TRIM2: variants seen among roughly 807,000 people sequenced by gnomAD.
The protein encoded by TRIM2 is tripartite motif containing 2.
In TRIM2, 20 loss-of-function variants were observed where a neutral mutation model predicts 75.2. That is an observed-to-expected ratio of 0.27 (90% CI 0.19 to 0.39). The LOEUF (loss-of-function observed/expected upper bound fraction) is 0.39, where lower values mean the gene tolerates loss of function less well. TRIM2 is among the 10% of genes least tolerant of loss of function. The pLI is 1.00. For synonymous variants in TRIM2, 373 were observed against 388.3 expected, an observed-to-expected ratio of 0.96 and a Z score of 0.46; for missense variants, 660 against 990.8, an observed-to-expected ratio of 0.67 and a Z score of 4.48.
At chr4:153,331,060 G>C (rs886274573) in intron 11 of TRIM2, among the ~76,000 whole-genome samples, 1 of 152,176 alleles carries the variant, frequency 6.6e-6, no homozygotes, top group Non-Finnish European at 1.5e-5. Context: ...GGTGGCTCAT[G>C]CATGTAACGC....
intron 1 of TRIM2, among the ~76,000 whole-genome samples, chr4:153,181,412 C>T (rs1345463783): frequency 1.3e-5 from 2 of 152,114 alleles, no homozygotes; most frequent in African/African-American, 2.4e-5. Context: ...AAGGCAGCGA[C>T]CATGTGATGG....
chr4:153,324,417 G>A (rs138776950), intron 10 of TRIM2: 10 of 231,684 alleles, frequency 4.3e-5, no homozygotes, highest in Middle Eastern at 1.4e-3. Context: ...AAAGCAATTC[G>A]TTGAACTTAG....
At chr4:153,318,458 T>C (rs1768178169) in intron 8 of TRIM2, among the ~76,000 whole-genome samples, 1 of 152,218 alleles carries the variant, frequency 6.6e-6, no homozygotes, top group Non-Finnish European at 1.5e-5. Flanking sequence ...TTGGTTTCAC[T>C]AGAAATTTAA....
At chr4:153,298,956 C>T (rs1560974492) in intron 6 of TRIM2, among the ~76,000 whole-genome samples, 1 of 151,974 alleles carries the variant, frequency 6.6e-6, no homozygotes, top group Non-Finnish European at 1.5e-5. Context: ...CCAGGCTAGT[C>T]TCAAACTCCT....
intron 8 of TRIM2, among the ~76,000 whole-genome samples, chr4:153,318,796 C>T (rs1768267348): frequency 6.6e-6 from 1 of 152,086 alleles, no homozygotes. Context: ...TTCAGTGGTT[C>T]AATAGTCTAT....
chr4:153,181,212 G>A (rs965869966), intron 1 of TRIM2, among the ~76,000 whole-genome samples: 1 of 152,084 alleles, frequency 6.6e-6, no homozygotes, highest in Non-Finnish European at 1.5e-5. Context: ...ATGAAATTGA[G>A]GCCCATAGCA....
At chr4:153,298,965 C>T (rs1484993991) in intron 6 of TRIM2, among the ~76,000 whole-genome samples, 1 of 152,040 alleles carries the variant, frequency 6.6e-6, no homozygotes, top group Non-Finnish European at 1.5e-5. Flanking sequence ...TCTCAAACTC[C>T]TGGACTCAAA....
chr4:153,170,368 A>C (rs1462379802), intron 1 of TRIM2, among the ~76,000 whole-genome samples: 1 of 152,186 alleles, frequency 6.6e-6, no homozygotes, highest in African/African-American at 2.4e-5. Context: ...GTATCCCTTG[A>C]ACACTAGGAA....
At chr4:153,253,132 C>T (rs1017655676) in intron 1 of TRIM2, among the ~76,000 whole-genome samples, 48 of 152,280 alleles carry the variant, frequency 3.2e-4, no homozygotes, top group African/African-American at 1.1e-3. Context: ...TCAGAGAATC[C>T]TTCCTAAAGT....
intron 1 of TRIM2, among the ~76,000 whole-genome samples, chr4:153,244,185 CCTT>C (rs1295180521): frequency 1.8e-4 from 20 of 108,366 alleles, no homozygotes; most frequent in South Asian, 9.4e-4. Context: ...TTCTTCTCCT[CCTT>C]CTTCTTCTCC....
intron 3 of TRIM2, 76 bp downstream of exon 3, chr4:153,276,206 G>A (rs771686682): frequency 8.1e-7 from 1 of 1,231,010 alleles, no homozygotes; most frequent in Middle Eastern, 1.9e-4. Context: ...GTACATCAGA[G>A]ATTACAGATT....
chr4:153,328,846 G>C (rs903700583), intron 11 of TRIM2, among the ~76,000 whole-genome samples, 176 bp downstream of exon 11: 2 of 152,080 alleles, frequency 1.3e-5, no homozygotes, highest in African/African-American at 2.4e-5. Flanking sequence ...AATGTTACCA[G>C]ACTGAAACCC....
At chr4:153,234,103 T>C (rs1026874936) in intron 1 of TRIM2, among the ~76,000 whole-genome samples, 1 of 152,194 alleles carries the variant, frequency 6.6e-6, no homozygotes, top group African/African-American at 2.4e-5. Flanking sequence ...TCAATCCCCA[T>C]AAATACTCCT....
chr4:153,308,671 G>T, intron 6 of TRIM2: 1 of 577,938 alleles, frequency 1.7e-6, no homozygotes, highest in African/African-American at 1.9e-5. Flanking sequence ...ATCAAATTTG[G>T]TGTAGGCTTT....
intron 1 of TRIM2, among the ~76,000 whole-genome samples, chr4:153,164,834 A>C (rs1253196201): frequency 6.6e-6 from 1 of 152,104 alleles, no homozygotes; most frequent in Non-Finnish European, 1.5e-5. Flanking sequence ...CTGTATTTAT[A>C]TTACTAGGAC....
At chr4:153,205,182 T>C (rs1454959232) in intron 1 of TRIM2, among the ~76,000 whole-genome samples, 1 of 152,186 alleles carries the variant, frequency 6.6e-6, no homozygotes, top group Admixed American at 6.5e-5. Flanking sequence ...GCGTTTGTCC[T>C]TGACTACCCA....
Position 153,336,485 on chromosome 4 carries a change from A to T in TRIM2, c.*1519A>T. 1.0e-6 allele frequency: 1 copy of T among 985,852 alleles called. No homozygotes were observed. The highest frequency in any genetic ancestry group is 1.2e-6 in the Non-Finnish European group (1 of 829,930). 61.1% of individuals were successfully genotyped at this position (985,852 alleles called of 1,614,324 possible). On this transcript the variant is annotated 3_prime_UTR_variant, in exon 12 of 12. Coordinates refer to ENST00000338700, the MANE Select transcript of TRIM2 (RefSeq NM_015271.5). ...TTAAGAACAATTTAGTCAATCGTTC[A>T]TCTGTCATTGGTACTGTAAAATAAG...
At chr4:153,308,464 C>G (rs1765510748) in intron 6 of TRIM2, 1 of 782,550 alleles carries the variant, frequency 1.3e-6, no homozygotes, top group Non-Finnish European at 2.3e-6. Context: ...TTTAATAGGC[C>G]CAAAGCCACT....
chr4:153,216,885 G>A (rs940524247), intron 1 of TRIM2, among the ~76,000 whole-genome samples: 7 of 152,118 alleles, frequency 4.6e-5, no homozygotes, highest in Admixed American at 4.6e-4. Flanking sequence ...ACTTCCTAAA[G>A]GCACCAACCT....
Sources: allele counts gnomAD v4.1 joint callset (sites outside exome capture counted in the v4.1 genomes callset), GRCh38; gene constraint gnomAD v4.1.1; transcripts MANE v1.5; gene names NCBI Gene and HGNC (gene_info 2026-07-23, HGNC 2026-07-21).